ABCG2: variants seen among roughly 807,000 people sequenced by gnomAD.
ABCG2 encodes the protein ATP binding cassette subfamily G member 2 (JR blood group).
In ABCG2, 80 loss-of-function variants were observed where a neutral mutation model predicts 73.5. That is an observed-to-expected ratio of 1.09 (90% CI 0.91 to 1.31). ABCG2 has a LOEUF of 1.31. ABCG2 is among the 50% of genes most tolerant of loss of function. The pLI is 0.00. For synonymous variants in ABCG2, 269 were observed against 282.4 expected (o/e 0.95, Z 0.48); for missense variants, 796 against 786.2 (o/e 1.01, Z -0.15).
intron 1 of ABCG2, among the ~76,000 whole-genome samples, chr4:88,227,306 G>A (rs1027279582): frequency 1.3e-5 from 2 of 152,066 alleles, no homozygotes; most frequent in Admixed American, 1.3e-4. Context: ...TAAGACAGGA[G>A]AACTGCTTGA....
chr4:88,140,121 A>G, intron 1 of ABCG2, 107 bp from the exon 2 acceptor site: 1 of 913,992 alleles, frequency 1.1e-6, no homozygotes, highest in Non-Finnish European at 1.6e-6. Context: ...TGCGGCAATG[A>G]GCAGCTTCAT....
At chr4:88,190,505 G>A (rs1479259371) in intron 1 of ABCG2, among the ~76,000 whole-genome samples, 1 of 152,188 alleles carries the variant, frequency 6.6e-6, no homozygotes, top group African/African-American at 2.4e-5. Context: ...AATTCCACCA[G>A]TGCACAATTC....
At chr4:88,127,189 T>A (rs1724483675) in intron 5 of ABCG2, among the ~76,000 whole-genome samples, 1 of 151,998 alleles carries the variant, frequency 6.6e-6, no homozygotes, top group Admixed American at 6.6e-5. Flanking sequence ...ACAAAGAGAA[T>A]AAAATACCTA....
intron 11 of ABCG2, among the ~76,000 whole-genome samples, chr4:88,100,571 G>A (rs1338066013): frequency 4.7e-5 from 7 of 150,498 alleles, no homozygotes; most frequent in African/African-American, 1.7e-4. Context: ...GACTGCGTAA[G>A]CCCCGCAGGT....
chr4:88,222,088 C>T (rs7697057), intron 1 of ABCG2, among the ~76,000 whole-genome samples: 21,446 of 152,212 alleles, frequency 0.14, 1,771 homozygotes, highest in Non-Finnish European at 0.19. Flanking sequence ...ATCCCAGCCA[C>T]TCCATCTGTG....
At chr4:88,106,441 G>A (rs764857111) in intron 10 of ABCG2, among the ~76,000 whole-genome samples, 7 of 152,126 alleles carry the variant, frequency 4.6e-5, no homozygotes, top group Admixed American at 3.9e-4. Flanking sequence ...ACCTTACAAC[G>A]GAAAGAAATC....
intron 1 of ABCG2, among the ~76,000 whole-genome samples, chr4:88,153,550 A>C (rs1726694864): frequency 6.9e-6 from 1 of 144,712 alleles, no homozygotes; most frequent in Non-Finnish European, 1.5e-5. Context: ...ATGGTAAGGG[A>C]TATAAATGTT....
At chr4:88,114,130 CTGTCTCTATAAAAATA>C (rs1723355955) in intron 8 of ABCG2, among the ~76,000 whole-genome samples, 1 of 151,804 alleles carries the variant, frequency 6.6e-6, no homozygotes, top group African/African-American at 2.4e-5. Context: ...AAACGAGACC[CTGTCTCTATAAAAATA>C]AATAAAGTAA....
intron 1 of ABCG2, among the ~76,000 whole-genome samples, chr4:88,149,158 G>A (rs2110069464): frequency 6.6e-6 from 1 of 152,268 alleles, no homozygotes; most frequent in Non-Finnish European, 1.5e-5. Flanking sequence ...CCAGGCTGCA[G>A]TGAGTCAAGA....
rs751832029 is a variant in ABCG2 at position 88,121,726 on chromosome 4, G to T, written c.598C>A (p.Leu200Ile). ...ERKRTSIGMELITDPSILFLD... is the reference protein window; with the variant it reads ...ERKRTSIGMEIITDPSILFLD... The stretch of plus-strand genomic sequence containing the variant: ...AACAAGATGGAAGGATCAGTGATAA[G>T]CTCCATTCCTATACTAGTCCTTTTT... The change falls in exon 6 of 16, where the codon CTT (leucine) becomes ATT (isoleucine). Residue 200 changes from leucine to isoleucine, a missense_variant. Transcript: ENST00000237612. 3.1e-6 allele frequency: 5 copies of T among 1,613,886 alleles called. No homozygotes were observed. In the African/African-American group the frequency reaches 5.3e-5, roughly 17 times the overall value.
At chr4:88,155,002 A>G (rs1726838368) in intron 1 of ABCG2, among the ~76,000 whole-genome samples, 1 of 152,154 alleles carries the variant, frequency 6.6e-6, no homozygotes, top group Non-Finnish European at 1.5e-5. Flanking sequence ...CTTGTGTAAG[A>G]ATTCTGACTG....
intron 3 of ABCG2, 47 bp downstream of exon 3, chr4:88,132,518 TTTTAAAAGCAC>T: frequency 6.3e-7 from 1 of 1,591,750 alleles, no homozygotes; most frequent in Non-Finnish European, 8.6e-7. Flanking sequence ...AAAAAGTGGC[TTTTAAAAGCAC>T]ATTAAAAGTG....
intron 13 of ABCG2, 31 bp downstream of exon 13, chr4:88,097,422 C>G (rs1382657250): frequency 1.2e-6 from 2 of 1,604,556 alleles, no homozygotes; most frequent in South Asian, 1.1e-5. Context: ...AAAAACAATT[C>G]CTTATCAGAG....
At chr4:88,133,972 T>C (rs1173027652) in intron 2 of ABCG2, among the ~76,000 whole-genome samples, 4 of 148,646 alleles carry the variant, frequency 2.7e-5, no homozygotes, top group South Asian at 2.1e-4. Flanking sequence ...TACTCCAGCC[T>C]GGGCAACAGA....
intron 1 of ABCG2, among the ~76,000 whole-genome samples, chr4:88,157,502 G>A (rs879894043): frequency 3.9e-5 from 6 of 152,060 alleles, no homozygotes; most frequent in Non-Finnish European, 8.8e-5. Context: ...ATGATATTAT[G>A]GGAACTCTCT....
chr4:88,142,902 C>A (rs959116591), intron 1 of ABCG2, among the ~76,000 whole-genome samples: 3 of 152,074 alleles, frequency 2.0e-5, no homozygotes, highest in African/African-American at 7.2e-5. Flanking sequence ...GAGCCGAGAT[C>A]ATGCCACTGC....
chr4:88,133,755 C>T (rs1368499659), intron 2 of ABCG2, among the ~76,000 whole-genome samples: 2 of 152,110 alleles, frequency 1.3e-5, no homozygotes, highest in African/African-American at 2.4e-5. Flanking sequence ...CCCAGCACTT[C>T]GGGAAGCCGA....
At chr4:88,229,153 C>T (rs1462304477) in intron 1 of ABCG2, among the ~76,000 whole-genome samples, 1 of 152,184 alleles carries the variant, frequency 6.6e-6, no homozygotes, top group African/African-American at 2.4e-5. Context: ...CTTTGTGAGC[C>T]ATAACACTTG....
intron 1 of ABCG2, among the ~76,000 whole-genome samples, chr4:88,150,404 AAGAGGCCAGTGAG>A (rs1470870711): frequency 1.3e-5 from 2 of 152,192 alleles, no homozygotes; most frequent in Admixed American, 6.5e-5. Context: ...AGGAACAGCA[AAGAGGCCAGTGAG>A]GCTGAAGCAG....
Sources: allele counts gnomAD v4.1 joint callset (sites outside exome capture counted in the v4.1 genomes callset), GRCh38; gene constraint gnomAD v4.1.1; transcripts MANE v1.5; gene names NCBI Gene and HGNC (gene_info 2026-07-23, HGNC 2026-07-21).